TEAD1: variants seen among roughly 807,000 people sequenced by gnomAD.
The protein encoded by TEAD1 is TEA domain transcription factor 1, also known as transcriptional enhancer factor TEF-1.
Under a neutral mutation model 54.9 loss-of-function variants are expected in TEAD1, and 9 were observed. The observed-to-expected ratio is 0.16, with a 90% CI of 0.10 to 0.29. The LOEUF (loss-of-function observed/expected upper bound fraction) is 0.29, where lower values mean the gene tolerates loss of function less well. Ranked by LOEUF, TEAD1 falls within the 10% of genes least tolerant of loss-of-function variation. The pLI is 1.00. For synonymous variants in TEAD1, 200 were observed against 187.8 expected (o/e 1.07, Z -0.53); for missense variants, 387 against 535.9 (o/e 0.72, Z 2.74).
intron 5 of TEAD1, among the ~76,000 whole-genome samples, chr11:12,875,982 A>T (rs1007744410): frequency 1.3e-5 from 2 of 152,184 alleles, no homozygotes; most frequent in African/African-American, 4.8e-5. Context: ...TGATCCACAT[A>T]ATGCAGCTCA....
At chr11:12,704,654 G>T (rs76159122) in intron 2 of TEAD1, among the ~76,000 whole-genome samples, 2 of 152,316 alleles carry the variant, frequency 1.3e-5, no homozygotes, top group African/African-American at 2.4e-5. Context: ...CTGCGTGTTG[G>T]ATTTACCCTA....
chr11:12,729,640 G>C (rs1944380897), intron 2 of TEAD1, among the ~76,000 whole-genome samples: 1 of 152,196 alleles, frequency 6.6e-6, no homozygotes, highest in Non-Finnish European at 1.5e-5. Context: ...AAATGGTCAG[G>C]AGAAAGCTAG....
chr11:12,938,104 T>C lies in TEAD1; in HGVS notation c.*882T>C, dbSNP rs1389381189. The stretch of plus-strand genomic sequence containing the variant: ...AAAAAATCTAAACTTACAATGTTTA[T>C]AGTCTTGTGTGTGCAGTTATATTTT... On this transcript the variant is annotated 3_prime_UTR_variant, in exon 13 of 13. Transcript: ENST00000527636. The C allele has an allele frequency of 6.6e-6, 1 of 152,664 alleles. No homozygotes were observed. Among genetic ancestry groups the C allele is most frequent in the Non-Finnish European group, 1.5e-5 (1 of 68,042 alleles). The allele number at this position is 152,664 out of a possible 1,614,324, so 9.5% of individuals were successfully genotyped here. A position where few individuals can be genotyped will look rare whatever the true frequency, so the allele number is the denominator to read the frequency against.
At chr11:12,708,830 A>G (rs945875483) in intron 2 of TEAD1, among the ~76,000 whole-genome samples, 1 of 152,242 alleles carries the variant, frequency 6.6e-6, no homozygotes, top group Non-Finnish European at 1.5e-5. Context: ...ATTATGTACA[A>G]AAGTCACAGA....
intron 9 of TEAD1, among the ~76,000 whole-genome samples, chr11:12,895,145 G>GGGACCAC (rs1488922342): frequency 1.3e-5 from 2 of 152,040 alleles, no homozygotes; most frequent in African/African-American, 4.8e-5. Flanking sequence ...GCAGGGACCA[G>GGGACCAC]GAAACAAAGT....
chr11:12,792,380 A>G (rs979294015), intron 3 of TEAD1, among the ~76,000 whole-genome samples: 7 of 145,300 alleles, frequency 4.8e-5, no homozygotes, highest in Non-Finnish European at 9.1e-5. Context: ...AAAAAGTCCT[A>G]TATAGTCCTA....
At position 12,942,173 on chromosome 11, in the gene TEAD1, A is replaced by T. The variant is rs1949167604; in HGVS notation, c.*4951A>T. 6.6e-6 allele frequency: 1 copy of T among 152,664 alleles called. No individual in the cohort carries two copies. The highest frequency in any genetic ancestry group is 1.5e-5 in the Non-Finnish European group (1 of 68,042). The allele number at this position is 152,664 out of a possible 1,614,324, so 9.5% of individuals were successfully genotyped here. On this transcript the variant is annotated 3_prime_UTR_variant, in exon 13 of 13. Transcript: ENST00000527636. ...CTTTTTAATGTTGCCTTTTAAATTC[A>T]TGACCAAATACTTAGCTATTTGTGA... is the stretch of plus-strand genomic sequence containing the variant.
chr11:12,747,611 CAGGCGTG>C (rs1944773155), intron 2 of TEAD1, among the ~76,000 whole-genome samples: 1 of 152,230 alleles, frequency 6.6e-6, no homozygotes, highest in African/African-American at 2.4e-5. Context: ...GCTAGGATTA[CAGGCGTG>C]AGCCACCACG....
intron 9 of TEAD1, among the ~76,000 whole-genome samples, chr11:12,898,138 C>CCTTCCTT (rs1166315988): frequency 6.6e-6 from 1 of 152,210 alleles, no homozygotes; most frequent in East Asian, 1.9e-4. Flanking sequence ...AAGGTCTCTT[C>CCTTCCTT]CTTCCTTCCT....
At chr11:12,877,705 C>CT (rs944352750) in intron 5 of TEAD1, among the ~76,000 whole-genome samples, 4 of 151,292 alleles carry the variant, frequency 2.6e-5, no homozygotes, top group Admixed American at 6.6e-5. Context: ...GCTCCGTTTT[C>CT]TTTTTCCCCC....
At position 12,937,388 on chromosome 11, in the gene TEAD1, A is replaced by G. The variant is rs577995585; in HGVS notation, c.*166A>G. On this transcript the variant is annotated 3_prime_UTR_variant, in exon 13 of 13. Transcript: ENST00000527636. ...TTCTAAATCTTGTTTGAGTGAAGTCATTTTTTCATGTGTTCATACTATCAT... is the reference window on the plus strand; with the variant it reads ...TTCTAAATCTTGTTTGAGTGAAGTCGTTTTTTCATGTGTTCATACTATCAT... The G allele has an allele frequency of 1.7e-6, 1 of 572,670 alleles. No individual in the cohort carries two copies. The highest frequency in any genetic ancestry group is 1.9e-5 in the African/African-American group (1 of 53,114). The allele number at this position is 572,670 out of a possible 1,614,324, so 35.5% of individuals were successfully genotyped here. A position where few individuals can be genotyped will look rare whatever the true frequency, so the allele number is the denominator to read the frequency against.
chr11:12,744,156 G>A (rs1397140437), intron 2 of TEAD1, among the ~76,000 whole-genome samples: 1 of 152,150 alleles, frequency 6.6e-6, no homozygotes, highest in Non-Finnish European at 1.5e-5. Context: ...AGAATTTAGG[G>A]CTATTTAGAA....
At chr11:12,767,969 T>C (rs1378091313) in intron 3 of TEAD1, among the ~76,000 whole-genome samples, 2 of 152,210 alleles carry the variant, frequency 1.3e-5, no homozygotes, top group African/African-American at 4.8e-5. Flanking sequence ...TTATCCAGAA[T>C]TGGATTTCAG....
intron 3 of TEAD1, among the ~76,000 whole-genome samples, chr11:12,851,619 C>A (rs1947276627): frequency 6.6e-6 from 1 of 151,960 alleles, no homozygotes; most frequent in Non-Finnish European, 1.5e-5. Context: ...CATTGTGAAA[C>A]CCCCTTGTGT....
intron 5 of TEAD1, among the ~76,000 whole-genome samples, chr11:12,875,906 A>G (rs1038179732): frequency 6.6e-6 from 1 of 152,252 alleles, no homozygotes; most frequent in African/African-American, 2.4e-5. Flanking sequence ...ACCCAGAAGG[A>G]CATTAGGCAG....
intron 3 of TEAD1, among the ~76,000 whole-genome samples, chr11:12,798,958 C>T (rs779957203): frequency 1.3e-5 from 2 of 152,168 alleles, no homozygotes; most frequent in Admixed American, 6.5e-5. Context: ...CAACAAAACC[C>T]CCCCCAGGCA....
At chr11:12,727,265 A>T (rs1470178105) in intron 2 of TEAD1, among the ~76,000 whole-genome samples, 1 of 152,182 alleles carries the variant, frequency 6.6e-6, no homozygotes, top group Non-Finnish European at 1.5e-5. Context: ...AGAAACTGTA[A>T]AATGACAACT....
rs60060462 is a variant in TEAD1 at position 12,929,163 on chromosome 11, C to CGTGTGTGTGTGTGTGTGTGT, written c.1015-992_1015-973dup. 2.5e-3 allele frequency among the ~76,000 whole-genome samples: 265 copies of CGTGTGTGTGTGTGTGTGTGT among 106,794 alleles called. 5 individuals are homozygous for CGTGTGTGTGTGTGTGTGTGT. Among genetic ancestry groups the CGTGTGTGTGTGTGTGTGTGT allele is most frequent in the East Asian group, 0.012 (47 of 3,962 alleles). The allele number at this position is 106,794 out of a possible 152,430, so 70.1% of individuals were successfully genotyped here. On this transcript the variant is annotated intron_variant, in intron 11 of 12. Coordinates refer to ENST00000527636, the MANE Select transcript of TEAD1 (RefSeq NM_021961.6). ...ATCTGCTGTGTTTTCTTTGCTTTGCCGTGTGTGTGTGTGTGTGTGTGTGTG... is the reference window on the plus strand; with the variant it reads ...ATCTGCTGTGTTTTCTTTGCTTTGCCGTGTGTGTGTGTGTGTGTGTGTGTGTGTGTGTGTGTGTGTGTGTG...
At chr11:12,858,895 G>A (rs1288993612) in intron 3 of TEAD1, among the ~76,000 whole-genome samples, 1 of 152,218 alleles carries the variant, frequency 6.6e-6, no homozygotes, top group African/African-American at 2.4e-5. Flanking sequence ...AGATGGAATA[G>A]CCAACTACAC....
Sources: gnomAD v4.1 joint callset for allele counts (sites outside exome capture counted in the v4.1 genomes callset) on GRCh38, gnomAD v4.1.1 for gene constraint, MANE v1.5 for transcripts, NCBI Gene and HGNC (gene_info 2026-07-23, HGNC 2026-07-21) for gene names.